VPS13B: variants seen among roughly 807,000 people sequenced by gnomAD.
The protein encoded by VPS13B is intermembrane lipid transfer protein VPS13B.
VPS13B carries 285 observed loss-of-function variants against 426.4 expected under a neutral mutation model. The observed-to-expected ratio is 0.67, with a 90% confidence interval of 0.61 to 0.74. VPS13B has a LOEUF of 0.74. Ranked by LOEUF, VPS13B falls within the 30% of genes least tolerant of loss-of-function variation. The pLI is 0.00. For missense variants in VPS13B, 4,537 were observed against 4,782.6 expected, an observed-to-expected ratio of 0.95 and a Z score of 1.51; for synonymous variants, 1,676 against 1,676.4, an observed-to-expected ratio of 1.00 and a Z score of 0.01.
At chr8:99,233,396 A>G in intron 17 of VPS13B, 1 of 1,103,640 alleles carries the variant, frequency 9.1e-7, no homozygotes, top group Non-Finnish European at 1.4e-6. Flanking sequence ...GCCTTGATGG[A>G]GGCTCTGGCG....
At chr8:99,681,508 C>CA (rs1281783832) in intron 35 of VPS13B, among the ~76,000 whole-genome samples, 1 of 152,110 alleles carries the variant, frequency 6.6e-6, no homozygotes, top group Non-Finnish European at 1.5e-5. Flanking sequence ...AACAAATATA[C>CA]AAAAAACATT....
chr8:99,753,555 A>T (rs1810499781), intron 39 of VPS13B, among the ~76,000 whole-genome samples: 1 of 152,160 alleles, frequency 6.6e-6, no homozygotes, highest in Admixed American at 6.5e-5. Context: ...TTCTGAGTAT[A>T]TTTTTATTCT....
chr8:99,402,171 C>T (rs1163775066), intron 21 of VPS13B, among the ~76,000 whole-genome samples: 1 of 152,200 alleles, frequency 6.6e-6, no homozygotes, highest in East Asian at 1.9e-4. Flanking sequence ...AACACACTCA[C>T]ATGCAGTGAG....
chr8:99,848,692 C>A, intron 54 of VPS13B, 84 bp from the exon 55 acceptor site: 1 of 1,229,830 alleles, frequency 8.1e-7, no homozygotes, highest in South Asian at 1.2e-5. Flanking sequence ...GGTATTGAAT[C>A]AGAACTGGAG....
intron 23 of VPS13B, among the ~76,000 whole-genome samples, chr8:99,461,007 T>C (rs1818801823): frequency 6.6e-6 from 1 of 152,222 alleles, no homozygotes; most frequent in African/African-American, 2.4e-5. Flanking sequence ...AGTGCTGAAA[T>C]GGTTGTGTTT....
chr8:99,262,890 A>G (rs1257527766), intron 17 of VPS13B, among the ~76,000 whole-genome samples: 1 of 151,926 alleles, frequency 6.6e-6, no homozygotes, highest in Non-Finnish European at 1.5e-5. Flanking sequence ...CTCCCACCTC[A>G]GCCTCCCAAG....
chr8:99,274,278 G>C lies in VPS13B; in HGVS notation c.2596G>C (p.Val866Leu). Residue 866 changes from valine to leucine, a missense_variant, in exon 18 of 62, where the codon GTC becomes CTC. Coordinates refer to ENST00000357162, the MANE Select transcript of VPS13B (RefSeq NM_152564.5). ...VELKYCSTSL[V>L]KCASGTMGSI... ...ATTGAAGTACTGCAGCACATCATTG[G>C]TCAAATGTGCCTCTGGGACCATGGG... 6.2e-7 allele frequency: 1 copy of C among 1,614,110 alleles called. No individual in the cohort carries two copies. Among genetic ancestry groups the C allele is most frequent in the Non-Finnish European group, 8.5e-7 (1 of 1,179,998 alleles).
intron 24 of VPS13B, among the ~76,000 whole-genome samples, chr8:99,480,724 C>G (rs896935983): frequency 5.3e-5 from 8 of 152,086 alleles, no homozygotes; most frequent in African/African-American, 1.9e-4. Flanking sequence ...TGAGGATTGA[C>G]AATAGTGTTT....
intron 35 of VPS13B, among the ~76,000 whole-genome samples, chr8:99,664,912 T>C (rs1046103019): frequency 6.6e-6 from 1 of 152,320 alleles, no homozygotes; most frequent in South Asian, 2.1e-4. Flanking sequence ...CACAATGGTT[T>C]AACTAGTTTA....
Position 99,457,800 on chromosome 8 carries a change from T to G in VPS13B, c.3446-9614T>G, listed in dbSNP as rs534079939. On this transcript the variant is annotated intron_variant, in intron 23 of 61. Transcript: ENST00000357162. Reference sequence around the variant, plus strand: ...ATATGTTTACATTTTTTATTTTCTTTAAAGTGTTCTGTTATTTTCCTTATG... The same window carrying G: ...ATATGTTTACATTTTTTATTTTCTTGAAAGTGTTCTGTTATTTTCCTTATG... Among the ~76,000 whole-genome samples, 11 of 152,306 alleles carry G rather than the reference T, an allele frequency of 7.2e-5. No homozygotes were observed. In the South Asian group the frequency reaches 2.3e-3, roughly 32 times the overall value.
chr8:99,500,897 G>A (rs1433627594), intron 25 of VPS13B, among the ~76,000 whole-genome samples: 1 of 152,160 alleles, frequency 6.6e-6, no homozygotes, highest in Non-Finnish European at 1.5e-5. Context: ...GCTAAAAGCT[G>A]CTGAAAAGAC....
At chr8:99,618,048 A>G (rs529026298) in intron 33 of VPS13B, among the ~76,000 whole-genome samples, 129 of 152,262 alleles carry the variant, frequency 8.5e-4, no homozygotes, top group South Asian at 2.3e-3. Flanking sequence ...AATATTAACA[A>G]TGACATAACC....
intron 39 of VPS13B, among the ~76,000 whole-genome samples, chr8:99,738,003 G>A (rs1300332681): frequency 1.3e-5 from 2 of 152,212 alleles, no homozygotes; most frequent in Non-Finnish European, 2.9e-5. Flanking sequence ...CAATTTGGTT[G>A]TGCTCTACTT....
At chr8:99,667,418 T>A (rs574746074) in intron 35 of VPS13B, among the ~76,000 whole-genome samples, 1 of 152,208 alleles carries the variant, frequency 6.6e-6, no homozygotes, top group East Asian at 1.9e-4. Flanking sequence ...GTTTTTAGAA[T>A]GGTGCTTTGA....
chr8:99,133,997 A>C (rs1401359851), intron 8 of VPS13B, among the ~76,000 whole-genome samples: 1 of 152,218 alleles, frequency 6.6e-6, no homozygotes, highest in Non-Finnish European at 1.5e-5. Flanking sequence ...AATTTGTAAA[A>C]AGTGCAATAT....
intron 17 of VPS13B, among the ~76,000 whole-genome samples, chr8:99,242,141 C>T (rs2132889846): frequency 6.6e-6 from 1 of 152,200 alleles, no homozygotes; most frequent in African/African-American, 2.4e-5. Flanking sequence ...CCACCATGGC[C>T]AGCTAATTTT....
At chr8:99,663,140 G>A (rs1830308646) in intron 35 of VPS13B, among the ~76,000 whole-genome samples, 1 of 152,164 alleles carries the variant, frequency 6.6e-6, no homozygotes, top group Non-Finnish European at 1.5e-5. Context: ...TGAATTTTAA[G>A]GAAGGAAAAA....
chr8:99,422,435 C>A (rs954634398), intron 21 of VPS13B, among the ~76,000 whole-genome samples: 2 of 152,084 alleles, frequency 1.3e-5, no homozygotes, highest in African/African-American at 4.8e-5. Flanking sequence ...TAGATAGATT[C>A]ATTTTCAAAT....
intron 42 of VPS13B, among the ~76,000 whole-genome samples, chr8:99,783,488 AG>A (rs1446615632): frequency 1.3e-5 from 2 of 152,206 alleles, no homozygotes; most frequent in African/African-American, 2.4e-5. Flanking sequence ...GTGATAAAAG[AG>A]TAAGCAAGGA....
Sources: gnomAD v4.1 joint callset for allele counts (sites outside exome capture counted in the v4.1 genomes callset) on GRCh38, gnomAD v4.1.1 for gene constraint, MANE v1.5 for transcripts, NCBI Gene and HGNC (gene_info 2026-07-23, HGNC 2026-07-21) for gene names.